JARID2: variants seen among roughly 807,000 people sequenced by gnomAD.
JARID2 encodes the protein protein Jumonji.
In JARID2, 21 loss-of-function variants were observed where a neutral mutation model predicts 125.6. The ratio of observed to expected loss-of-function variants is 0.17; its 90% CI spans 0.12 to 0.24. The LOEUF is 0.24. JARID2 is among the 10% of genes least tolerant of loss of function. JARID2 has a pLI of 1.00. For synonymous variants in JARID2, 736 were observed against 661.6 expected (o/e 1.11, Z -1.73); for missense variants, 1,303 against 1,639.6 (o/e 0.79, Z 3.55).
At chr6:15,426,921 C>G (rs973224436) in intron 3 of JARID2, among the ~76,000 whole-genome samples, 4 of 152,114 alleles carry the variant, frequency 2.6e-5, no homozygotes, top group African/African-American at 9.7e-5. Flanking sequence ...CATAACTGGC[C>G]TGAGTAATGG....
chr6:15,401,644 T>C (rs1312977526), intron 2 of JARID2, among the ~76,000 whole-genome samples: 1 of 152,166 alleles, frequency 6.6e-6, no homozygotes, highest in Admixed American at 6.5e-5. Context: ...GGTTCTGGAT[T>C]GAGACCTTTA....
chr6:15,249,940 C>T (rs140967662), intron 1 of JARID2, among the ~76,000 whole-genome samples: 175 of 152,262 alleles, frequency 1.1e-3, no homozygotes, highest in African/African-American at 3.8e-3. Context: ...GCATGTTTTG[C>T]TCTAGAGATA....
chr6:15,397,255 A>G (rs1164052420), intron 2 of JARID2, among the ~76,000 whole-genome samples: 3 of 152,204 alleles, frequency 2.0e-5, no homozygotes, highest in African/African-American at 7.2e-5. Context: ...ATCACACCCT[A>G]TGTGATATGG....
intron 3 of JARID2, among the ~76,000 whole-genome samples, chr6:15,430,970 T>C (rs1249508009): frequency 1.3e-5 from 2 of 152,216 alleles, no homozygotes; most frequent in African/African-American, 2.4e-5. Flanking sequence ...CCCCAAGAAA[T>C]ATGTTTGCAT....
chr6:15,389,253 C>T (rs1323566373), intron 2 of JARID2, among the ~76,000 whole-genome samples: 1 of 152,152 alleles, frequency 6.6e-6, no homozygotes, highest in Non-Finnish European at 1.5e-5. Flanking sequence ...TTGCGTGCAC[C>T]GCCCCCAGCA....
Position 15,341,343 on chromosome 6 carries a change from C to T in JARID2, c.46-32774C>T, listed in dbSNP as rs191090362. ...TATTTAAAAAGTTTTCTTATGTATA[C>T]TTATGATTTTACTTGGAAACAGCAA... On this transcript the variant is annotated intron_variant, in intron 1 of 17. Transcript: ENST00000341776. Among the ~76,000 whole-genome samples the T allele has an allele frequency of 2.1e-3, 313 of 152,204 alleles. 2 individuals carry two copies. The highest frequency in any genetic ancestry group is 6.8e-3 in the Middle Eastern group (2 of 294).
rs200784767 is a variant in JARID2 at position 15,513,311 on chromosome 6, C to T, written c.3339C>T (p.His1113=). ...GLHSSARYGS[H]DGSSTVADGK... is the part of the protein sequence containing the mutation. ...ACTCCTCCGCACGCTATGGCAGCCA[C>T]GATGGCAGCAGCACGGTGGCGGACG... Residue 1113 remains histidine, a synonymous_variant, in exon 16 of 18, where the codon CAC becomes CAT. Coordinates refer to ENST00000341776, the MANE Select transcript of JARID2 (RefSeq NM_004973.4). 42 of 1,607,884 alleles carry T rather than the reference C, an allele frequency of 2.6e-5. No individual in the cohort carries two copies. The East Asian group carries it at 6.5e-4, about 25-fold the overall frequency.
chr6:15,259,049 C>A lies in JARID2; in HGVS notation c.45+12465C>A, dbSNP rs1297087214. On this transcript the variant is annotated intron_variant, in intron 1 of 17. Coordinates refer to ENST00000341776, the MANE Select transcript of JARID2 (RefSeq NM_004973.4). ...AAAATGCAGTGTGAGTCTCTTTACA[C>A]CCAGACATATTTTTGGATGGATGGG... Among the ~76,000 whole-genome samples the A allele has an allele frequency of 3.3e-5, 5 of 152,326 alleles. No homozygotes were observed. In the South Asian group the frequency reaches 6.2e-4, roughly 19 times the overall value.
rs1016032934 is a variant in JARID2 at position 15,304,313 on chromosome 6, C to A, written c.45+57729C>A. 6.2e-5 allele frequency among the ~76,000 whole-genome samples: 5 copies of A among 80,244 alleles called. No individual in the cohort carries two copies. In the East Asian group the frequency reaches 2.5e-3, roughly 41 times the overall value. The allele number at this position is 80,244 out of a possible 152,430, so 52.6% of individuals were successfully genotyped here. ...GACATAATTTGCTGATCCCCCCCCC[C>A]CCCCCGCCCACCCACTGTAACTTGG... On this transcript the variant is annotated intron_variant, in intron 1 of 17. Transcript: ENST00000341776.
intron 6 of JARID2, among the ~76,000 whole-genome samples, chr6:15,489,585 A>T (rs1244555392): frequency 1.3e-5 from 2 of 152,234 alleles, no homozygotes; most frequent in African/African-American, 4.8e-5. Context: ...CAGAGGAAAG[A>T]GCTGAGGAGG....
chr6:15,312,719 C>T (rs567891582), intron 1 of JARID2, among the ~76,000 whole-genome samples: 28 of 152,258 alleles, frequency 1.8e-4, no homozygotes, highest in African/African-American at 6.7e-4. Flanking sequence ...TGTGTTCTTC[C>T]TGTGACTCAC....
chr6:15,401,633 T>C (rs1025364652), intron 2 of JARID2, among the ~76,000 whole-genome samples: 28 of 152,322 alleles, frequency 1.8e-4, no homozygotes, highest in African/African-American at 6.3e-4. Flanking sequence ...AGACCTGAAG[T>C]GGTTCTGGAT....
At chr6:15,421,346 G>C (rs1446936804) in intron 3 of JARID2, among the ~76,000 whole-genome samples, 1 of 151,260 alleles carries the variant, frequency 6.6e-6, no homozygotes, top group African/African-American at 2.4e-5. Context: ...GTGTGAGAGA[G>C]ACACGTACCA....
At chr6:15,452,247 C>T in intron 4 of JARID2, 72 bp downstream of exon 4, 2 of 1,560,740 alleles carry the variant, frequency 1.3e-6, no homozygotes, top group East Asian at 2.3e-5. Context: ...CGTGGAGTAA[C>T]CTTAGCTTTA....
At chr6:15,331,653 G>T (rs1267384200) in intron 1 of JARID2, among the ~76,000 whole-genome samples, 1 of 152,050 alleles carries the variant, frequency 6.6e-6, no homozygotes, top group Non-Finnish European at 1.5e-5. Flanking sequence ...ATCACCTGAG[G>T]TCGGGAGTTC....
At chr6:15,390,961 G>A (rs1429819107) in intron 2 of JARID2, among the ~76,000 whole-genome samples, 1 of 152,104 alleles carries the variant, frequency 6.6e-6, no homozygotes, top group Non-Finnish European at 1.5e-5. Context: ...TTTTTCCTCA[G>A]AGGTGGTATT....
At chr6:15,353,194 C>T (rs921189907) in intron 1 of JARID2, among the ~76,000 whole-genome samples, 2 of 152,192 alleles carry the variant, frequency 1.3e-5, no homozygotes, top group Non-Finnish European at 2.9e-5. Flanking sequence ...TCTCTGCATC[C>T]TTTCCAATAC....
chr6:15,415,200 T>C (rs932714841), intron 3 of JARID2, among the ~76,000 whole-genome samples: 1 of 152,046 alleles, frequency 6.6e-6, no homozygotes, highest in African/African-American at 2.4e-5. Flanking sequence ...ATGAAAAGTC[T>C]CCCGTGTCTA....
chr6:15,429,517 CT>C (rs1049926013), intron 3 of JARID2, among the ~76,000 whole-genome samples: 1 of 152,124 alleles, frequency 6.6e-6, no homozygotes, highest in African/African-American at 2.4e-5. Flanking sequence ...GATCTTTGCA[CT>C]TCAGCCTCCC....
Sources: gnomAD v4.1 joint callset for allele counts (sites outside exome capture counted in the v4.1 genomes callset) on GRCh38, gnomAD v4.1.1 for gene constraint, MANE v1.5 for transcripts, NCBI Gene and HGNC (gene_info 2026-07-23, HGNC 2026-07-21) for gene names.